Variants in SMN2 observed in about 807,000 individuals in gnomAD.
SMN2 encodes the protein survival of motor neuron 2, centromeric, also known as survival motor neuron protein.
A neutral mutation model predicts 2.8 loss-of-function variants in SMN2; 1 was observed. The observed-to-expected ratio is 0.35, with a 90% confidence interval of 0.13 to 1.68. The LOEUF (loss-of-function observed/expected upper bound fraction) is 1.68, where lower values mean the gene tolerates loss of function less well. Ranked by LOEUF, SMN2 falls within the 40% of genes most tolerant of loss-of-function variation. The pLI is 0.35. For missense variants in SMN2, 12 were observed against 16.9 expected, an observed-to-expected ratio of 0.71 and a Z score of 0.51; for synonymous variants, 5 against 5.0, an observed-to-expected ratio of 0.99 and a Z score of 0.01.
At chr5:70,053,080 GTGAGTAGC>G (rs1196809783) in intron 1 of SMN2, among the ~76,000 whole-genome samples, 4 of 37,824 alleles carry the variant, frequency 1.1e-4, no homozygotes, top group African/African-American at 3.6e-4. Context: ...GTTGAAGTGA[GTGAGTAGC>G]TGAGATTTGG....
rs1400199384 is a variant in SMN2 at position 70,074,668 on chromosome 5, C to T, written c.835-1853C>T. 1.7e-5 allele frequency among the ~76,000 whole-genome samples: 2 copies of T among 115,494 alleles called. 1 individual carries two copies. Among genetic ancestry groups the T allele is most frequent in the Non-Finnish European group, 3.7e-5 (2 of 54,674 alleles). The allele number at this position is 115,494 out of a possible 152,430, so 75.8% of individuals were successfully genotyped here. A position where few individuals can be genotyped will look rare whatever the true frequency, so the allele number is the denominator to read the frequency against. On this transcript the variant is annotated intron_variant, in intron 7 of 8. Coordinates refer to ENST00000380743, the MANE Select transcript of SMN2 (RefSeq NM_017411.4). ...CAAAAAAAAAAAAATAAGGTATAAG[C>T]GGGCTCAGGAACATCATTGGACATA...
downstream of SMN2, among the ~76,000 whole-genome samples, chr5:70,079,821 T>C (rs1774830759): frequency 8.1e-5 from 1 of 12,398 alleles, no homozygotes; most frequent in African/African-American, 1.1e-3. Flanking sequence ...TCTGTACACT[T>C]TTTTTTTTTT....
chr5:70,088,087 C>CT, the SMN2 span, among the ~76,000 whole-genome samples: 1 of 106,304 alleles, frequency 9.4e-6, no homozygotes, highest in South Asian at 2.8e-4. Flanking sequence ...CTTGCCCCTG[C>CT]TTTTACCATG....
chr5:70,049,705 G>GCAGTGGTGGCGGCGT lies in SMN2; in HGVS notation c.22_36dup (p.Ser8_Val12dup), dbSNP rs1278777005. 1.4e-3 allele frequency: 314 copies of GCAGTGGTGGCGGCGT among 217,538 alleles called. 2 individuals carry two copies. Among genetic ancestry groups the GCAGTGGTGGCGGCGT allele is most frequent in the South Asian group, 8.5e-3 (289 of 34,066 alleles). The allele number at this position is 217,538 out of a possible 1,614,324, so 13.5% of individuals were successfully genotyped here. A position where few individuals can be genotyped will look rare whatever the true frequency, so the allele number is the denominator to read the frequency against. ...TTTGCTATGGCGATGAGCAGCGGCG[G>GCAGTGGTGGCGGCGT]CAGTGGTGGCGGCGTCCCGGAGCAG... is the stretch of plus-strand genomic sequence containing the variant. On this transcript the variant is annotated inframe_insertion, in exon 1 of 9. Coordinates refer to ENST00000380743, the MANE Select transcript of SMN2 (RefSeq NM_017411.4).
chr5:70,052,807 G>A (rs926211785), intron 1 of SMN2, among the ~76,000 whole-genome samples: 2 of 79,204 alleles, frequency 2.5e-5, no homozygotes, highest in Admixed American at 2.6e-4. Flanking sequence ...ACTTGAACCC[G>A]GGATGTGGAG....
the SMN2 span, among the ~76,000 whole-genome samples, chr5:70,084,644 C>G: frequency 2.2e-5 from 3 of 137,284 alleles, no homozygotes; most frequent in African/African-American, 6.1e-5. Flanking sequence ...AAATGATTAT[C>G]TCATATTTGT....
chr5:70,084,353 A>G, the SMN2 span, among the ~76,000 whole-genome samples: 1 of 95,962 alleles, frequency 1.0e-5, no homozygotes. Context: ...TGCCCGGCTA[A>G]TTTTTGTATT....
At chr5:70,070,298 C>T (rs1774554647) in intron 6 of SMN2, among the ~76,000 whole-genome samples, 1 of 31,832 alleles carries the variant, frequency 3.1e-5, no homozygotes, top group Non-Finnish European at 5.1e-5. Flanking sequence ...GCTGTCTTTT[C>T]GTCCTCGTTA....
Position 70,074,783 on chromosome 5 carries a change from G to A in SMN2, c.835-1738G>A, listed in dbSNP as rs1774692385. 1.6e-5 allele frequency among the ~76,000 whole-genome samples: 2 copies of A among 128,368 alleles called. 1 individual carries two copies. Among genetic ancestry groups the A allele is most frequent in the Admixed American group, 1.6e-4 (2 of 12,662 alleles). 84.2% of individuals were successfully genotyped at this position (128,368 alleles called of 152,430 possible). A position where few individuals can be genotyped will look rare whatever the true frequency, so the allele number is the denominator to read the frequency against. On this transcript the variant is annotated intron_variant, in intron 7 of 8. Coordinates refer to ENST00000380743, the MANE Select transcript of SMN2 (RefSeq NM_017411.4). ...CAAGGCAGGCGAATCACCTGAAGTC[G>A]GGAGTTCCAGATCAGCCTGACCAAC... is the stretch of plus-strand genomic sequence containing the variant.
rs545324067 is a variant in SMN2 at position 70,075,700 on chromosome 5, G to A, written c.835-821G>A. Among the ~76,000 whole-genome samples the A allele has an allele frequency of 6.6e-5, 8 of 120,440 alleles. 2 individuals are homozygous for A. Among genetic ancestry groups the A allele is most frequent in the Non-Finnish European group, 1.4e-4 (8 of 57,892 alleles). 79.0% of individuals were successfully genotyped at this position (120,440 alleles called of 152,430 possible). ...TTAAATTTTATTTTTTAGAGACCAGGTCTCACTCTATTGCTCAGGCTGGAG... is the reference window on the plus strand; with the variant it reads ...TTAAATTTTATTTTTTAGAGACCAGATCTCACTCTATTGCTCAGGCTGGAG... On this transcript the variant is annotated intron_variant, in intron 7 of 8. Coordinates refer to ENST00000380743, the MANE Select transcript of SMN2 (RefSeq NM_017411.4).
chr5:70,079,177 A>G (rs1226498671), downstream of SMN2, among the ~76,000 whole-genome samples: 1 of 138,172 alleles, frequency 7.2e-6, no homozygotes, highest in Admixed American at 7.1e-5. Flanking sequence ...TCACACCTGT[A>G]ATCCCAGCAC....
chr5:70,085,266 G>T, the SMN2 span, among the ~76,000 whole-genome samples: 1 of 124,362 alleles, frequency 8.0e-6, no homozygotes, highest in African/African-American at 3.7e-5. Flanking sequence ...TTTTGAGATG[G>T]AGTCTCACTC....
At chr5:70,079,293 C>T (rs1774816334), downstream of SMN2, among the ~76,000 whole-genome samples, 1 of 145,542 alleles carries the variant, frequency 6.9e-6, no homozygotes, top group Non-Finnish European at 1.5e-5. Context: ...ATTAGCCCGG[C>T]ATGGTGGCAC....
At chr5:70,083,611 A>G in the SMN2 span, among the ~76,000 whole-genome samples, 1 of 136,770 alleles carries the variant, frequency 7.3e-6, no homozygotes, top group Non-Finnish European at 1.5e-5. Context: ...ACCATGGAAT[A>G]CTATGCAACC....
the SMN2 span, among the ~76,000 whole-genome samples, chr5:70,084,248 G>A: frequency 1.3e-4 from 9 of 66,822 alleles, no homozygotes; most frequent in East Asian, 1.8e-3. Flanking sequence ...GTGCAATGGC[G>A]TGATCTCAGC....
chr5:70,052,268 C>T (rs1300238548), intron 1 of SMN2, among the ~76,000 whole-genome samples: 3 of 108,270 alleles, frequency 2.8e-5, no homozygotes, highest in Admixed American at 1.9e-4. Flanking sequence ...ATCGGCCGGG[C>T]GCTGTGGCTG....
chr5:70,075,285 C>T (rs1774715322), intron 7 of SMN2, among the ~76,000 whole-genome samples: 1 of 94,558 alleles, frequency 1.1e-5, no homozygotes, highest in African/African-American at 4.9e-5. Flanking sequence ...GCGATCTTGG[C>T]TCACTGCAAG....
At chr5:70,080,177 A>G (rs1774836026), downstream of SMN2, among the ~76,000 whole-genome samples, 2 of 125,776 alleles carry the variant, frequency 1.6e-5, no homozygotes, top group African/African-American at 7.0e-5. Context: ...AATACAAAAA[A>G]AAAATTAGCT....
intron 7 of SMN2, among the ~76,000 whole-genome samples, chr5:70,074,610 T>A (rs1488735193): frequency 8.1e-6 from 1 of 124,068 alleles, no homozygotes; most frequent in Non-Finnish European, 1.8e-5. Context: ...CTCATTGCAC[T>A]CCAGCCTGGG....
Sources: gnomAD v4.1 joint callset for allele counts (sites outside exome capture counted in the v4.1 genomes callset) on GRCh38, gnomAD v4.1.1 for gene constraint, MANE v1.5 for transcripts, NCBI Gene and HGNC (gene_info 2026-07-23, HGNC 2026-07-21) for gene names.